ATP2C1: variants seen among roughly 807,000 people sequenced by gnomAD.
The protein encoded by ATP2C1 is ATPase secretory pathway Ca2+ transporting 1.
A neutral mutation model predicts 120.5 loss-of-function variants in ATP2C1; 31 were observed. The ratio of observed to expected loss-of-function variants is 0.26; its 90% CI spans 0.19 to 0.35. ATP2C1 has a LOEUF of 0.35. Ranked by LOEUF, ATP2C1 falls within the 10% of genes least tolerant of loss-of-function variation. The probability of loss-of-function intolerance (pLI) is 1.00; values close to 1 mark genes in which losing one functional copy is unlikely to be tolerated. For synonymous variants in ATP2C1, 351 were observed against 358.7 expected (o/e 0.98, Z 0.24); for missense variants, 731 against 1,107.5 (o/e 0.66, Z 4.83).
chr3:130,933,757 A>G (rs1361632891), intron 4 of ATP2C1, among the ~76,000 whole-genome samples: 1 of 152,152 alleles, frequency 6.6e-6, no homozygotes, highest in Non-Finnish European at 1.5e-5. Context: ...GGGCATTGGT[A>G]TTGTTAAAAG....
chr3:130,956,104 G>A lies in ATP2C1; in HGVS notation c.757G>A (p.Ala253Thr). 6.2e-7 allele frequency: 1 copy of A among 1,604,326 alleles called. No homozygotes were observed. Among genetic ancestry groups the A allele is most frequent in the Non-Finnish European group, 8.5e-7 (1 of 1,171,680 alleles). ...TGACACTCTTCTTCAATTTATCAAG[G>A]CACCAAAAACCCCTCTGCAGAAGAG... is the stretch of plus-strand genomic sequence containing the variant. ...EVFKMMQAEE[A>T]PKTPLQKSMD... is the part of the protein sequence containing the mutation. The change falls in exon 11 of 28, where the codon GCA becomes ACA. Residue 253 changes from alanine to threonine, a missense_variant and splice_region_variant. Coordinates refer to ENST00000510168, the MANE Select transcript of ATP2C1 (RefSeq NM_001378687.1).
At chr3:130,994,650 T>G (rs1212171515) in intron 22 of ATP2C1, among the ~76,000 whole-genome samples, 9 of 152,018 alleles carry the variant, frequency 5.9e-5, no homozygotes, top group Admixed American at 5.9e-4. Flanking sequence ...GTGAATCCCA[T>G]TTATTTATTT....
rs1559999432 is a variant in ATP2C1 at position 130,975,581 on chromosome 3, C to T, written c.1570+93C>T. On this transcript the variant is annotated intron_variant, in intron 18 of 27. Transcript: ENST00000510168. ...CATGCTTCACATTTGAGCTGTCCAA[C>T]TCACTTCCAGGATTTGTAGAACCCT... The T allele has an allele frequency of 1.4e-5, 19 of 1,399,016 alleles. No homozygotes were observed. The South Asian group carries it at 2.2e-4, about 16-fold the overall frequency. The allele number at this position is 1,399,016 out of a possible 1,614,324, so 86.7% of individuals were successfully genotyped here.
intron 17 of ATP2C1, 94 bp downstream of exon 17, chr3:130,969,490 A>C: frequency 1.1e-6 from 1 of 905,294 alleles, no homozygotes; most frequent in Non-Finnish European, 1.8e-6. Context: ...CATTGTACAT[A>C]ATAAAGACTT....
chr3:130,930,355 C>G, intron 2 of ATP2C1, 61 bp from the exon 3 acceptor site: 1 of 1,064,546 alleles, frequency 9.4e-7, no homozygotes, highest in Non-Finnish European at 1.5e-6. Flanking sequence ...TTTTATTATT[C>G]TAGACTGCAT....
chr3:130,916,063 C>CTA (rs1050145401), intron 2 of ATP2C1, among the ~76,000 whole-genome samples: 11 of 152,044 alleles, frequency 7.2e-5, no homozygotes, highest in African/African-American at 2.7e-4. Context: ...TTATAGTCTC[C>CTA]TATTAGGTAA....
chr3:130,954,053 A>C, intron 9 of ATP2C1, 77 bp downstream of exon 9: 1 of 1,513,080 alleles, frequency 6.6e-7, no homozygotes, highest in East Asian at 2.3e-5. Context: ...TGCTGATTTT[A>C]TGTGGAATTT....
downstream of ATP2C1, among the ~76,000 whole-genome samples, chr3:131,005,109 CTTT>C (rs35129703): frequency 2.2e-4 from 20 of 92,624 alleles, no homozygotes; most frequent in African/African-American, 7.5e-4. Context: ...TTTGAATTGT[CTTT>C]TTTTTTTTTT....
At chr3:130,860,936 T>C (rs2067994412) in intron 1 of ATP2C1, among the ~76,000 whole-genome samples, 1 of 152,190 alleles carries the variant, frequency 6.6e-6, no homozygotes, top group Admixed American at 6.5e-5. Context: ...GTTTATTCAA[T>C]TTGGGAGACT....
chr3:131,003,107 C>T lies in ATP2C1; in HGVS notation c.*1757C>T. ...ATTGAAATAAATGTGCCTATACATT[C>T]ATTTGCTTTGTACTATAAAAATAAA... On this transcript the variant is annotated 3_prime_UTR_variant, in exon 28 of 28. Transcript: ENST00000510168. The T allele has an allele frequency of 2.0e-6, 2 of 981,792 alleles. No individual in the cohort carries two copies. Among genetic ancestry groups the T allele is most frequent in the Non-Finnish European group, 2.4e-6 (2 of 826,202 alleles). 60.8% of individuals were successfully genotyped at this position (981,792 alleles called of 1,614,324 possible).
intron 10 of ATP2C1, 96 bp downstream of exon 10, chr3:130,955,176 C>A: frequency 1.1e-6 from 1 of 884,396 alleles, no homozygotes; most frequent in Non-Finnish European, 1.9e-6. Context: ...CTATTGAGAG[C>A]AATATTTTAT....
chr3:131,015,282 GCCCCTCCC>G, intron 26 of ATP2C1: 1 of 695,408 alleles, frequency 1.4e-6, no homozygotes, highest in Non-Finnish European at 2.6e-6. Context: ...AAATAGACAA[GCCCCTCCC>G]CCCACAGAGT....
At chr3:131,007,862 A>C (rs2063175438), downstream of ATP2C1, among the ~76,000 whole-genome samples, 1 of 152,236 alleles carries the variant, frequency 6.6e-6, no homozygotes, top group African/African-American at 2.4e-5. Context: ...TGACTGTAGA[A>C]AATGTATGTC....
chr3:130,930,936 G>C (rs2059422517), intron 3 of ATP2C1, among the ~76,000 whole-genome samples: 1 of 152,004 alleles, frequency 6.6e-6, no homozygotes, highest in African/African-American at 2.4e-5. Flanking sequence ...ATCTTTTTTT[G>C]ATAAGGGTTT....
chr3:130,874,465 A>T (rs1041401479), intron 1 of ATP2C1, among the ~76,000 whole-genome samples: 3 of 152,196 alleles, frequency 2.0e-5, no homozygotes, highest in Non-Finnish European at 4.4e-5. Flanking sequence ...AATAATTCAT[A>T]TTGTATTATA....
At chr3:131,010,429 C>T (rs531158258) in intron 26 of ATP2C1, among the ~76,000 whole-genome samples, 17 of 152,128 alleles carry the variant, frequency 1.1e-4, no homozygotes, top group Non-Finnish European at 2.1e-4. Context: ...CTCCTGACCT[C>T]GTGATCTGCC....
intron 2 of ATP2C1, among the ~76,000 whole-genome samples, chr3:130,916,880 A>T: frequency 6.6e-6 from 1 of 152,182 alleles, no homozygotes; most frequent in Admixed American, 6.5e-5. Flanking sequence ...TGGTTTTTCT[A>T]AACATAGCTT....
At chr3:130,905,697 C>A (rs2058088964) in intron 2 of ATP2C1, among the ~76,000 whole-genome samples, 1 of 152,086 alleles carries the variant, frequency 6.6e-6, no homozygotes, top group African/African-American at 2.4e-5. Flanking sequence ...CATCCTGTTT[C>A]ATCATAGCAC....
chr3:130,861,791 C>A (rs1180005066), intron 1 of ATP2C1, among the ~76,000 whole-genome samples: 1 of 152,032 alleles, frequency 6.6e-6, no homozygotes, highest in Non-Finnish European at 1.5e-5. Context: ...AAGAAGAAAT[C>A]ACAACAAATT....
Sources: gnomAD v4.1 joint callset for allele counts (sites outside exome capture counted in the v4.1 genomes callset) on GRCh38, gnomAD v4.1.1 for gene constraint, MANE v1.5 for transcripts, NCBI Gene and HGNC (gene_info 2026-07-23, HGNC 2026-07-21) for gene names.